The following TMC6 variants were observed in gnomAD, a reference collection of about 807,000 sequenced individuals.
TMC6 encodes the protein transmembrane channel like 6, also known as transmembrane channel-like protein 6.
A neutral mutation model predicts 95.4 loss-of-function variants in TMC6; 71 were observed. The ratio of observed to expected loss-of-function variants is 0.74; its 90% CI spans 0.61 to 0.91. TMC6 has a LOEUF of 0.91. TMC6 is among the 40% of genes least tolerant of loss of function. The pLI is 0.00. For synonymous variants in TMC6, 514 were observed against 483.1 expected (o/e 1.06, Z -0.84); for missense variants, 1,074 against 1,079.1 (o/e 1.00, Z 0.07).
intron 6 of TMC6, 68 bp from the exon 7 acceptor site, chr17:78,125,053 G>T: frequency 6.5e-7 from 1 of 1,540,646 alleles, no homozygotes; most frequent in South Asian, 1.2e-5. Flanking sequence ...CCTGGAGACC[G>T]GCCACCCACG....
chr17:78,131,383 A>G (rs1044311095), upstream of TMC6: 1 of 663,966 alleles, frequency 1.5e-6, no homozygotes, highest in Non-Finnish European at 2.6e-6. Flanking sequence ...TGAGCCCCGG[A>G]GGTGGCAGAG....
intron 8 of TMC6, 30 bp from the exon 9 acceptor site, chr17:78,124,209 G>A (rs760781977): frequency 1.2e-6 from 2 of 1,609,874 alleles, no homozygotes; most frequent in South Asian, 1.1e-5. Flanking sequence ...CCGAGTCAGG[G>A]ACTTTCCCCA....
At chr17:78,125,947 G>A in intron 4 of TMC6, 63 bp from the exon 5 acceptor site, 1 of 1,545,494 alleles carries the variant, frequency 6.5e-7, no homozygotes, top group African/African-American at 1.4e-5. Flanking sequence ...CTCAGGATGG[G>A]CTCACCACAG....
chr17:78,130,373 C>T (rs1373998760), upstream of TMC6, among the ~76,000 whole-genome samples: 1 of 152,238 alleles, frequency 6.6e-6, no homozygotes. Flanking sequence ...CCCACCGTTC[C>T]CATCCCCACC....
chr17:78,120,321 T>C, intron 13 of TMC6: 1 of 409,876 alleles, frequency 2.4e-6, no homozygotes, highest in Admixed American at 2.9e-5. Flanking sequence ...CACCACGCCC[T>C]GCTAATTTTT....
intron 18 of TMC6, among the ~76,000 whole-genome samples, chr17:78,115,616 G>GGGGC (rs1398041158): frequency 2.5e-4 from 37 of 148,366 alleles, no homozygotes; most frequent in African/African-American, 9.2e-4. Flanking sequence ...TGGGCAGAGA[G>GGGGC]GAGCGAAGGG....
At chr17:78,120,870 C>G in intron 12 of TMC6, 38 bp from the exon 13 acceptor site, 3 of 1,610,730 alleles carry the variant, frequency 1.9e-6, no homozygotes, top group Non-Finnish European at 2.5e-6. Context: ...GGGGCGGGTA[C>G]AGGGGACAGA....
intron 15 of TMC6, among the ~76,000 whole-genome samples, chr17:78,118,650 C>T (rs2074254898): frequency 6.6e-6 from 1 of 152,210 alleles, no homozygotes; most frequent in South Asian, 2.1e-4. Flanking sequence ...GAGAGAGGCC[C>T]AGCATCACTT....
At chr17:78,125,094 C>A in intron 6 of TMC6, 64 bp downstream of exon 6, 1 of 1,544,802 alleles carries the variant, frequency 6.5e-7, no homozygotes, top group East Asian at 2.4e-5. Context: ...ACCACCTAGC[C>A]CAGCTGAGGA....
intron 5 of TMC6, 150 bp downstream of exon 5, chr17:78,125,576 G>T: frequency 8.0e-7 from 1 of 1,257,126 alleles, no homozygotes. Flanking sequence ...CCCTGCAGAG[G>T]GACGGGGGGG....
Position 78,115,256 on chromosome 17 carries a change from G to A in TMC6, c.2278-1632C>T, listed in dbSNP as rs542983010. Among the ~76,000 whole-genome samples the A allele has an allele frequency of 6.6e-5, 10 of 152,312 alleles. No individual in the cohort carries two copies. In the South Asian group the frequency reaches 1.9e-3, roughly 28 times the overall value. On this transcript the variant is annotated intron_variant, in intron 18 of 19. Coordinates refer to ENST00000590602, the MANE Select transcript of TMC6 (RefSeq NM_001127198.5). ...CCAGCAGCAGGGTCACATGGCTGCC[G>A]AGGCCCACTGGCTGCACCCCGCCCT...
upstream of TMC6, among the ~76,000 whole-genome samples, chr17:78,129,512 C>G (rs1007259734): frequency 6.6e-6 from 1 of 152,172 alleles, no homozygotes; most frequent in East Asian, 1.9e-4. This position sits in a 1 kb window ranked among gnomAD's most constrained non-coding sequence, Gnocchi z 4.3. Context: ...TTGTACCCCC[C>G]ACCCCAAGCC....
chr17:78,125,366 G>T lies in TMC6; in HGVS notation c.431-103C>A, dbSNP rs552590481. Reference sequence around the variant, plus strand: ...CTGTGTGTCCCTGCGGCACCGTCCCGAGACACCTCGGTGCCCTTATTTGAG... The same window carrying T: ...CTGTGTGTCCCTGCGGCACCGTCCCTAGACACCTCGGTGCCCTTATTTGAG... On this transcript the variant is annotated intron_variant, in intron 5 of 19. Coordinates refer to ENST00000590602, the MANE Select transcript of TMC6 (RefSeq NM_001127198.5). 9 of 1,049,598 alleles carry T rather than the reference G, an allele frequency of 8.6e-6. No homozygotes were observed. In the East Asian group the frequency reaches 2.1e-4, roughly 24 times the overall value. The allele number at this position is 1,049,598 out of a possible 1,614,324, so 65.0% of individuals were successfully genotyped here. A position where few individuals can be genotyped will look rare whatever the true frequency, so the allele number is the denominator to read the frequency against.
In TMC6 at chr17:78,126,607, G is replaced by GAA; in HGVS notation, c.97_98insTT (p.Ser33PhefsTer28). The GAA allele has an allele frequency of 6.2e-7, 1 of 1,613,674 alleles. No homozygotes were observed. On this transcript the variant is annotated frameshift_variant, in exon 3 of 20. Coordinates refer to ENST00000590602, the MANE Select transcript of TMC6 (RefSeq NM_001127198.5). LOFTEE classifies it high-confidence loss of function. ...CTGCTCCTGGATGAGCTGCTGGAAG[G>GAA]AGTCGTGCACTTCGCTTTCATCATA...
rs149674760 is a variant in TMC6 at position 78,125,672 on chromosome 17, C to T, written c.430+54G>A. On this transcript the variant is annotated intron_variant, in intron 5 of 19. Transcript: ENST00000590602. Reference sequence around the variant, plus strand: ...CCGCCCAGGCCAGGCTGGCCTCTTGCACCCCACCCCAGGCCGGTGTCCGCC... The same window carrying T: ...CCGCCCAGGCCAGGCTGGCCTCTTGTACCCCACCCCAGGCCGGTGTCCGCC... 8.7e-4 allele frequency: 1,340 copies of T among 1,546,758 alleles called. 2 individuals are homozygous for T. The highest frequency in any genetic ancestry group is 9.3e-4 in the Non-Finnish European group (1,064 of 1,146,400).
chr17:78,125,974 C>T, intron 4 of TMC6, 90 bp from the exon 5 acceptor site: 3 of 1,518,746 alleles, frequency 2.0e-6, no homozygotes, highest in Non-Finnish European at 1.8e-6. Context: ...GCGTCCCTCA[C>T]CCCTTCCCAG....
At chr17:78,116,858 TGACAGAGCGA>T (rs1158901355) in intron 18 of TMC6, among the ~76,000 whole-genome samples, 1 of 152,086 alleles carries the variant, frequency 6.6e-6, no homozygotes, top group East Asian at 1.9e-4. Context: ...CCAGCCTGGG[TGACAGAGCGA>T]GACTCCGTCT....
chr17:78,110,754 G>C lies in TMC6; in HGVS notation c.*2394C>G, dbSNP rs2073809390. The C allele has an allele frequency of 6.6e-6, 1 of 152,260 alleles. No individual in the cohort carries two copies. The highest frequency in any genetic ancestry group is 2.1e-4 in the South Asian group (1 of 4,830). The allele number at this position is 152,260 out of a possible 1,614,324, so 9.4% of individuals were successfully genotyped here. A position where few individuals can be genotyped will look rare whatever the true frequency, so the allele number is the denominator to read the frequency against. The stretch of plus-strand genomic sequence containing the variant: ...TTGCAACACCTCAAATGGGTGCCAG[G>C]CATGGTACGCAGCACACAAACTGTG... On this transcript the variant is annotated 3_prime_UTR_variant, in exon 20 of 20. Transcript: ENST00000590602.
rs1482216496 is a variant in TMC6, at chr17:78,113,048, G to A, written c.*100C>T. 9 of 1,438,532 alleles carry A rather than the reference G, an allele frequency of 6.3e-6. No individual in the cohort carries two copies. In the East Asian group the frequency reaches 7.4e-5, roughly 12 times the overall value. The allele number at this position is 1,438,532 out of a possible 1,614,324, so 89.1% of individuals were successfully genotyped here. A position where few individuals can be genotyped will look rare whatever the true frequency, so the allele number is the denominator to read the frequency against. On this transcript the variant is annotated 3_prime_UTR_variant, in exon 20 of 20. Transcript: ENST00000590602. The stretch of plus-strand genomic sequence containing the variant: ...GGCGCAGCTGCGGCTTTCGAGAGGC[G>A]AAACTGTCTTCCTTGTCCTGGTGTC...
Sources: allele counts gnomAD v4.1 joint callset (sites outside exome capture counted in the v4.1 genomes callset), GRCh38; gene constraint gnomAD v4.1.1; non-coding constraint Gnocchi (gnomAD v3.1); transcripts MANE v1.5; gene names NCBI Gene and HGNC (gene_info 2026-07-23, HGNC 2026-07-21).